HMCN2: variants seen among roughly 807,000 people sequenced by gnomAD.
HMCN2 encodes the protein hemicentin 2, also known as hemicentin-2.
In HMCN2, 325 loss-of-function variants were observed where a neutral mutation model predicts 377.5. The ratio of observed to expected loss-of-function variants is 0.86; its 90% CI spans 0.79 to 0.94. HMCN2 has a LOEUF of 0.94. Among genes scored for constraint, HMCN2 ranks in the 40% least tolerant of loss-of-function variants. The probability of loss-of-function intolerance (pLI) is 0.00; values close to 1 mark genes in which losing one functional copy is unlikely to be tolerated. For missense variants in HMCN2, 4,543 were observed against 4,725.3 expected, an observed-to-expected ratio of 0.96 and a Z score of 1.13; for synonymous variants, 2,007 against 2,046.8, an observed-to-expected ratio of 0.98 and a Z score of 0.53.
At chr9:130,277,429 T>C (rs1554923511) in intron 1 of HMCN2, among the ~76,000 whole-genome samples, 2 of 152,194 alleles carry the variant, frequency 1.3e-5, no homozygotes, top group African/African-American at 4.8e-5. Flanking sequence ...TACAGCTTCA[T>C]GGGTGGTTGA....
chr9:130,379,011 C>T (rs748066982), intron 53 of HMCN2, among the ~76,000 whole-genome samples: 28 of 152,100 alleles, frequency 1.8e-4, no homozygotes, highest in Non-Finnish European at 3.8e-4. Flanking sequence ...GAGTCTTTAG[C>T]GTCCATTAGA....
rs1840226852 is a variant in HMCN2 at position 130,359,253 on chromosome 9, T to A, written c.5678-66T>A. On this transcript the variant is annotated intron_variant, in intron 36 of 97. Coordinates refer to ENST00000683500, the MANE Select transcript of HMCN2 (RefSeq NM_001291815.2). ...GGAGCAGGGAGCAGCACTGCTGGGA[T>A]GGCTGGGATTAGAGCTGCCCAGAGC... The A allele has an allele frequency of 1.8e-5, 15 of 849,946 alleles. No individual in the cohort carries two copies. The South Asian group carries it at 2.2e-4, about 12-fold the overall frequency. The allele number at this position is 849,946 out of a possible 1,614,324, so 52.7% of individuals were successfully genotyped here.
intron 1 of HMCN2, among the ~76,000 whole-genome samples, chr9:130,268,586 A>ACCC (rs372653097): frequency 3.7e-4 from 54 of 147,482 alleles, no homozygotes; most frequent in African/African-American, 1.3e-3. Context: ...CTAAGGAAAG[A>ACCC]CCCCCCCCTG....
intron 48 of HMCN2, among the ~76,000 whole-genome samples, chr9:130,374,028 A>G (rs371389635): frequency 1.3e-5 from 2 of 151,336 alleles, no homozygotes; most frequent in East Asian, 2.0e-4. Flanking sequence ...GGAGAAATGA[A>G]TGGATGATTG....
intron 33 of HMCN2, 31 bp from the exon 34 acceptor site, chr9:130,356,057 G>A: frequency 1.6e-6 from 2 of 1,230,624 alleles, no homozygotes; most frequent in African/African-American, 3.1e-5. Flanking sequence ...CTGGTCTCAG[G>A]TTGACACGCC....
rs1413699715 is a variant in HMCN2, at chr9:130,390,984, C to T, written c.9531C>T (p.Ser3177=). 2.0e-6 allele frequency: 2 copies of T among 987,016 alleles called. No individual in the cohort carries two copies. Among genetic ancestry groups the T allele is most frequent in the Non-Finnish European group, 2.4e-6 (2 of 830,178 alleles). 61.1% of individuals were successfully genotyped at this position (987,016 alleles called of 1,614,324 possible). ...WLKDRMPVES[S]AVHGVVSRGG... ...GACCCCTCTGTCCCACAGAGAGCAGCGCGGTGCACGGTGTGGTCTCCCGGG... is the reference window on the plus strand; with the variant it reads ...GACCCCTCTGTCCCACAGAGAGCAGTGCGGTGCACGGTGTGGTCTCCCGGG... The change falls in exon 63 of 98, where the codon AGC becomes AGT. Residue 3177 remains serine, a synonymous_variant. Transcript: ENST00000683500.
At chr9:130,315,195 TC>T (rs1837474893) in intron 15 of HMCN2, among the ~76,000 whole-genome samples, 1 of 2,740 alleles carries the variant, frequency 3.6e-4, no homozygotes, top group African/African-American at 1.8e-3. Flanking sequence ...CCTCCCTCCC[TC>T]CCCTCCCTCC....
At position 130,287,054 on chromosome 9, in the gene HMCN2, C is replaced by T. The variant is rs1313708145; in HGVS notation, c.612+744C>T. Among the ~76,000 whole-genome samples the T allele has an allele frequency of 6.6e-5, 10 of 152,158 alleles. 1 individual carries two copies. Among genetic ancestry groups the T allele is most frequent in the Admixed American group, 4.6e-4 (7 of 15,280 alleles). Reference sequence around the variant, plus strand: ...TGGAAAGGACAAGCACACCCATTTCCGTGGTATAAATGCTCCCACCTCGGC... The same window carrying T: ...TGGAAAGGACAAGCACACCCATTTCTGTGGTATAAATGCTCCCACCTCGGC... On this transcript the variant is annotated intron_variant, in intron 4 of 97. Transcript: ENST00000683500.
chr9:130,292,931 G>A (rs1554930500), intron 4 of HMCN2, among the ~76,000 whole-genome samples: 1 of 151,866 alleles, frequency 6.6e-6, no homozygotes, highest in East Asian at 1.9e-4. Flanking sequence ...GAAACTTTGG[G>A]CCATCATTGC....
chr9:130,335,242 G>A (rs899015920), intron 22 of HMCN2, among the ~76,000 whole-genome samples: 17 of 152,104 alleles, frequency 1.1e-4, no homozygotes, highest in Non-Finnish European at 2.4e-4. Flanking sequence ...GGAGGGGACC[G>A]CATCCCAGCC....
intron 22 of HMCN2, among the ~76,000 whole-genome samples, chr9:130,333,848 G>T (rs908570078): frequency 3.9e-5 from 6 of 152,200 alleles, no homozygotes; most frequent in Non-Finnish European, 7.3e-5. Flanking sequence ...CAGAGCATGC[G>T]CAGGGTCATG....
At chr9:130,408,127 C>T (rs1460980201) in intron 83 of HMCN2, among the ~76,000 whole-genome samples, 1 of 152,154 alleles carries the variant, frequency 6.6e-6, no homozygotes, top group Non-Finnish European at 1.5e-5. Flanking sequence ...AGCACAGGAG[C>T]CCTCGGTGAC....
Position 130,383,562 on chromosome 9 carries a change from C to A in HMCN2, c.8792C>A (p.Ala2931Glu). 1.0e-6 allele frequency: 1 copy of A among 986,028 alleles called. No individual in the cohort carries two copies. The highest frequency in any genetic ancestry group is 1.2e-6 in the Non-Finnish European group (1 of 830,054). 61.1% of individuals were successfully genotyped at this position (986,028 alleles called of 1,614,324 possible). A position where few individuals can be genotyped will look rare whatever the true frequency, so the allele number is the denominator to read the frequency against. Reference protein sequence around the residue: ...ASYMCVAENQAGSAEKLFTLR... With the variant: ...ASYMCVAENQEGSAEKLFTLR... Reference sequence around the variant, plus strand: ...TACATGTGTGTGGCCGAGAACCAGGCGGGCTCCGCTGAGAAGCTCTTCACC... The same window carrying A: ...TACATGTGTGTGGCCGAGAACCAGGAGGGCTCCGCTGAGAAGCTCTTCACC... Residue 2931 changes from alanine to glutamate, a missense_variant, in exon 57 of 98, where the codon GCG becomes GAG. Physicochemically the swap from Ala to Glu is moderately radical, Grantham distance 107 (BLOSUM62 -1). Around this residue, in one of 5 missense-constraint regions of HMCN2, gnomAD observed 736 missense variants for 773.2 expected, o/e 0.95. Coordinates refer to ENST00000683500, the MANE Select transcript of HMCN2 (RefSeq NM_001291815.2).
chr9:130,281,835 A>G (rs1464127539), intron 1 of HMCN2, among the ~76,000 whole-genome samples: 1 of 147,896 alleles, frequency 6.8e-6, no homozygotes, highest in African/African-American at 2.5e-5. Context: ...GGCTGCAGTG[A>G]GCCGAGATTG....
At position 130,312,507 on chromosome 9, in the gene HMCN2, C is replaced by CT. The variant is rs1837301990; in HGVS notation, c.2350+2446_2350+2447insT. 1.4e-3 allele frequency among the ~76,000 whole-genome samples: 13 copies of CT among 9,540 alleles called. 2 individuals are homozygous for CT. Among genetic ancestry groups the CT allele is most frequent in the African/African-American group, 2.1e-3 (8 of 3,728 alleles). The allele number at this position is 9,540 out of a possible 152,430, so 6.3% of individuals were successfully genotyped here. ...TTTCTCTCTCTCTCTTTCTTTCTGTCCCTCCCTCCCTCCCTCCCTCCCTCC... is the reference window on the plus strand; with the variant it reads ...TTTCTCTCTCTCTCTTTCTTTCTGTCTCCTCCCTCCCTCCCTCCCTCCCTCC... On this transcript the variant is annotated intron_variant, in intron 15 of 97. Coordinates refer to ENST00000683500, the MANE Select transcript of HMCN2 (RefSeq NM_001291815.2).
intron 22 of HMCN2, among the ~76,000 whole-genome samples, chr9:130,337,526 G>A (rs1482711204): frequency 2.0e-5 from 3 of 152,222 alleles, no homozygotes; most frequent in East Asian, 1.9e-4. Context: ...GATAGACTCC[G>A]TTTACCAGCC....
intron 15 of HMCN2, among the ~76,000 whole-genome samples, chr9:130,315,074 C>G (rs1837459570): frequency 6.6e-6 from 1 of 151,888 alleles, no homozygotes; most frequent in Non-Finnish European, 1.5e-5. Context: ...TGCTCTCACC[C>G]TCAGCAGCTC....
At chr9:130,387,733 G>A (rs1399044254) in intron 61 of HMCN2, among the ~76,000 whole-genome samples, 1 of 152,172 alleles carries the variant, frequency 6.6e-6, no homozygotes, top group Non-Finnish European at 1.5e-5. Context: ...CCAACCAGGT[G>A]AGCGGTGGGC....
At chr9:130,271,956 G>A (rs1450030634) in intron 1 of HMCN2, among the ~76,000 whole-genome samples, 1 of 149,218 alleles carries the variant, frequency 6.7e-6, no homozygotes, top group Non-Finnish European at 1.5e-5. Flanking sequence ...AGATGTATTA[G>A]GTATATGGAG....
Sources: allele counts gnomAD v4.1 joint callset (sites outside exome capture counted in the v4.1 genomes callset), GRCh38; gene constraint gnomAD v4.1.1; regional missense constraint gnomAD v4.1.1; transcripts MANE v1.5; gene names NCBI Gene and HGNC (gene_info 2026-07-23, HGNC 2026-07-21).